ESRRB: variants seen among roughly 807,000 people sequenced by gnomAD.
ESRRB encodes steroid hormone receptor ERR2.
ESRRB carries 16 observed loss-of-function variants against 46.0 expected under a neutral mutation model. The observed-to-expected ratio is 0.35, with a 90% CI of 0.24 to 0.53. The LOEUF (loss-of-function observed/expected upper bound fraction) is 0.53. Among genes scored for constraint, ESRRB ranks in the 20% least tolerant of loss-of-function variants. ESRRB has a pLI of 0.93. For missense variants in ESRRB, 488 were observed against 607.4 expected, an observed-to-expected ratio of 0.80 and a Z score of 2.07; for synonymous variants, 246 against 259.6, an observed-to-expected ratio of 0.95 and a Z score of 0.50.
At chr14:76,435,825 C>T (rs745488608) in intron 1 of ESRRB, among the ~76,000 whole-genome samples, 15 of 152,132 alleles carry the variant, frequency 9.9e-5, no homozygotes, top group South Asian at 4.2e-4. Flanking sequence ...AGTGAGACTC[C>T]GTCTCAAAAA....
intron 1 of ESRRB, among the ~76,000 whole-genome samples, chr14:76,328,281 A>G (rs1010251074): frequency 2.6e-5 from 4 of 152,192 alleles, no homozygotes; most frequent in African/African-American, 9.7e-5. Context: ...CAAAAGCTCT[A>G]CTGTGTGTTT....
intron 1 of ESRRB, among the ~76,000 whole-genome samples, chr14:76,385,228 A>AG (rs1555392101): frequency 6.6e-6 from 1 of 150,386 alleles, no homozygotes; most frequent in Non-Finnish European, 1.5e-5. Flanking sequence ...AAAAAAAAAA[A>AG]CAACCAAACC....
chr14:76,430,952 A>G (rs1887414179), intron 1 of ESRRB, among the ~76,000 whole-genome samples: 1 of 152,184 alleles, frequency 6.6e-6, no homozygotes, highest in African/African-American at 2.4e-5. Flanking sequence ...CTGCCCTCTG[A>G]CCAGCAGCAG....
intron 1 of ESRRB, among the ~76,000 whole-genome samples, chr14:76,420,259 AG>A (rs1407374109): frequency 6.6e-6 from 1 of 152,070 alleles, no homozygotes; most frequent in Non-Finnish European, 1.5e-5. Context: ...ATGTATCTTC[AG>A]GCCCCCCCAG....
At chr14:76,391,939 G>A (rs1024809878) in intron 1 of ESRRB, among the ~76,000 whole-genome samples, 11 of 152,170 alleles carry the variant, frequency 7.2e-5, no homozygotes, top group Non-Finnish European at 1.0e-4. Flanking sequence ...ACCTTGCCAG[G>A]CTCCAACTCA....
intron 1 of ESRRB, among the ~76,000 whole-genome samples, chr14:76,395,233 G>A (rs1248818488): frequency 6.6e-6 from 1 of 152,186 alleles, no homozygotes; most frequent in African/African-American, 2.4e-5. Flanking sequence ...ATAGAAATAT[G>A]AATGCATCGT....
chr14:76,322,632 C>A (rs1883881031), intron 1 of ESRRB, among the ~76,000 whole-genome samples: 1 of 152,196 alleles, frequency 6.6e-6, no homozygotes. Flanking sequence ...CCTCTCCCAC[C>A]ACCAATATCA....
At position 76,468,399 on chromosome 14, in the gene ESRRB, C is replaced by A. The variant is rs981274912; in HGVS notation, c.577+5738C>A. ...ACATTCTACACACACTGCCCCCCCCCCAACACCACCACCCCCCAAACACGC... is the reference window on the plus strand; with the variant it reads ...ACATTCTACACACACTGCCCCCCCCACAACACCACCACCCCCCAAACACGC... On this transcript the variant is annotated intron_variant, in intron 3 of 6. Coordinates refer to ENST00000644823, the MANE Select transcript of ESRRB (RefSeq NM_001379180.1). Among the ~76,000 whole-genome samples the A allele has an allele frequency of 2.3e-3, 256 of 111,814 alleles. 5 individuals are homozygous for A. The highest frequency in any genetic ancestry group is 7.8e-3 in the African/African-American group (220 of 28,338). 73.4% of individuals were successfully genotyped at this position (111,814 alleles called of 152,430 possible). A position where few individuals can be genotyped will look rare whatever the true frequency, so the allele number is the denominator to read the frequency against.
chr14:76,476,962 C>T (rs999033947), intron 3 of ESRRB, among the ~76,000 whole-genome samples: 1 of 152,236 alleles, frequency 6.6e-6, no homozygotes, highest in Admixed American at 6.5e-5. Flanking sequence ...CGTGGTGGCA[C>T]GCACCTGTGG....
rs777803891 is a variant in ESRRB at position 76,498,320 on chromosome 14, G to A, written c.1227G>A (p.Arg409=). The part of the protein sequence containing the change: ...ELSQRHEEPW[R]TGKLLLTLPL... ...GCCAGCGCCATGAGGAGCCCTGGAG[G>A]ACGGGCAAGCTGCTGCTGACACTGC... is the stretch of plus-strand genomic sequence containing the variant. The change falls in exon 7 of 7, where the codon AGG becomes AGA. Residue 409 remains arginine (R), a synonymous_variant. Coordinates refer to ENST00000644823, the MANE Select transcript of ESRRB (RefSeq NM_001379180.1). 8 of 1,613,220 alleles carry A rather than the reference G, an allele frequency of 5.0e-6. No homozygotes were observed. Among genetic ancestry groups the A allele is most frequent in the Non-Finnish European group, 6.8e-6 (8 of 1,179,830 alleles).
At chr14:76,425,469 C>G (rs1375866043) in intron 1 of ESRRB, among the ~76,000 whole-genome samples, 1 of 151,962 alleles carries the variant, frequency 6.6e-6, no homozygotes, top group African/African-American at 2.4e-5. Flanking sequence ...CCTGGCCTGC[C>G]TGAGCGCCCC....
intron 2 of ESRRB, among the ~76,000 whole-genome samples, chr14:76,461,034 C>A (rs555005599): frequency 6.6e-6 from 1 of 152,062 alleles, no homozygotes; most frequent in East Asian, 1.9e-4. Context: ...ACCTCCCCCA[C>A]CTGCTCTCCC....
In ESRRB at chr14:76,439,533, C is replaced by T; in HGVS notation, c.243C>T (p.Pro81=). 1 of 1,613,768 alleles carries T rather than the reference C, an allele frequency of 6.2e-7. No individual in the cohort carries two copies. The highest frequency in any genetic ancestry group is 1.1e-5 in the South Asian group (1 of 91,082). Reference sequence around the variant, plus strand: ...ACGCCAACGGTCTGGACTCGCCACCCATGTTTGCAGGCGCCGGGCTGGGAG... The same window carrying T: ...ACGCCAACGGTCTGGACTCGCCACCTATGTTTGCAGGCGCCGGGCTGGGAG... ...GTHANGLDSP[P]MFAGAGLGGT... is the part of the protein sequence containing the mutation. Residue 81 remains proline, a synonymous_variant, in exon 2 of 7, where the codon CCC becomes CCT. Coordinates refer to ENST00000644823, the MANE Select transcript of ESRRB (RefSeq NM_001379180.1).
Position 76,498,589 on chromosome 14 carries a change from TTTCTCACCTCC to T in ESRRB, c.*133_*143del. On this transcript the variant is annotated 3_prime_UTR_variant, in exon 7 of 7. Transcript: ENST00000644823. ...CTCTGAGCTGTCCCAGAGGCGGGGG[TTTCTCACCTCC>T]TGGCTGTGTGCAGACTCCCGGGTGC... 6.6e-6 allele frequency: 10 copies of T among 1,526,362 alleles called. No homozygotes were observed. Among genetic ancestry groups the T allele is most frequent in the East Asian group, 2.6e-5 (1 of 38,762 alleles). 94.6% of individuals were successfully genotyped at this position (1,526,362 alleles called of 1,614,324 possible). A position where few individuals can be genotyped will look rare whatever the true frequency, so the allele number is the denominator to read the frequency against.
At chr14:76,441,485 T>G (rs1401936535) in intron 2 of ESRRB, among the ~76,000 whole-genome samples, 2 of 152,138 alleles carry the variant, frequency 1.3e-5, no homozygotes, top group Non-Finnish European at 2.9e-5. Context: ...CAGTTAATTT[T>G]ATTTTTAATA....
intron 1 of ESRRB, among the ~76,000 whole-genome samples, chr14:76,312,023 A>G (rs1883742876): frequency 2.2e-5 from 3 of 134,952 alleles, no homozygotes; most frequent in Non-Finnish European, 4.8e-5. Context: ...CTTAAGTACA[A>G]CTTTTTAAAT....
chr14:76,325,278 G>A (rs1883916027), intron 1 of ESRRB, among the ~76,000 whole-genome samples: 1 of 152,140 alleles, frequency 6.6e-6, no homozygotes, highest in African/African-American at 2.4e-5. Flanking sequence ...TTTTATAAAT[G>A]TCCACGTGCC....
chr14:76,369,004 C>T (rs1884559565), upstream of ESRRB, among the ~76,000 whole-genome samples: 1 of 151,920 alleles, frequency 6.6e-6, no homozygotes, highest in Non-Finnish European at 1.5e-5. Context: ...TGAGACCAGC[C>T]TGACCAACAT....
Position 76,409,084 on chromosome 14 carries a change from CTG to C in ESRRB, c.51-30255_51-30254del, listed in dbSNP as rs555881779. On this transcript the variant is annotated intron_variant, in intron 1 of 6. Transcript: ENST00000644823. ...CCAACCTGAGCCTCCACTTCTCCATCTGTAAAATGGGAACGCCCAGGCTTCCC... is the reference window on the plus strand; with the variant it reads ...CCAACCTGAGCCTCCACTTCTCCATCTAAAATGGGAACGCCCAGGCTTCCC... 2.0e-3 allele frequency among the ~76,000 whole-genome samples: 310 copies of C among 152,298 alleles called. 1 individual carries two copies. Among genetic ancestry groups the C allele is most frequent in the Middle Eastern group, 0.01 (3 of 294 alleles).
Sources: gnomAD v4.1 joint callset for allele counts (sites outside exome capture counted in the v4.1 genomes callset) on GRCh38, gnomAD v4.1.1 for gene constraint, MANE v1.5 for transcripts, NCBI Gene and HGNC (gene_info 2026-07-23, HGNC 2026-07-21) for gene names.